AMY2B: variants seen among roughly 807,000 people sequenced by gnomAD.
AMY2B encodes the protein amylase alpha 2B, also known as alpha-amylase 2B.
Under a neutral mutation model 59.3 loss-of-function variants are expected in AMY2B, and 63 were observed. The ratio of observed to expected loss-of-function variants is 1.06; its 90% CI spans 0.87 to 1.31. AMY2B has a LOEUF of 1.31. AMY2B is among the 50% of genes most tolerant of loss of function. The pLI, the probability that AMY2B is intolerant of heterozygous loss-of-function variation, is 0.00. For synonymous variants in AMY2B, 180 were observed against 198.1 expected (o/e 0.91, Z 0.77); for missense variants, 635 against 626.7 (o/e 1.01, Z -0.14).
chr1:103,576,964 T>A (rs899288191), intron 7 of AMY2B, among the ~76,000 whole-genome samples: 2 of 152,210 alleles, frequency 1.3e-5, no homozygotes, highest in Non-Finnish European at 2.9e-5. Flanking sequence ...GGCCAGGTGC[T>A]GTGGCTCACA....
upstream of AMY2B, chr1:103,571,082 C>T: frequency 1.2e-6 from 1 of 811,900 alleles, no homozygotes; most frequent in Non-Finnish European, 1.6e-6. Context: ...GGCTCCTTAA[C>T]CAGTTGTTTC....
Position 103,557,645 on chromosome 1 carries a change from T to TA in AMY2B, c.-207+2549dup, listed in dbSNP as rs746972250. Among the ~76,000 whole-genome samples the TA allele has an allele frequency of 1.7e-3, 245 of 142,518 alleles. 1 individual carries two copies. Among genetic ancestry groups the TA allele is most frequent in the South Asian group, 2.9e-3 (13 of 4,504 alleles). The allele number at this position is 142,518 out of a possible 152,430, so 93.5% of individuals were successfully genotyped here. A position where few individuals can be genotyped will look rare whatever the true frequency, so the allele number is the denominator to read the frequency against. ...TCCAGCTTCAGTGATGGAGTTAGATTAAAAAAAAAAAAAGTATTTTACATA... is the reference window on the plus strand; with the variant it reads ...TCCAGCTTCAGTGATGGAGTTAGATTAAAAAAAAAAAAAAGTATTTTACATA... On this transcript the variant is annotated intron_variant, in intron 1 of 11. Transcript: ENST00000361355.
intron 1 of AMY2B, among the ~76,000 whole-genome samples, chr1:103,558,965 A>G (rs116810583): frequency 1.6e-3 from 246 of 152,214 alleles, no homozygotes; most frequent in African/African-American, 5.8e-3. Flanking sequence ...TTGACATGGC[A>G]TTTACGTTGC....
At chr1:103,562,278 G>A (rs1651757540) in intron 1 of AMY2B, among the ~76,000 whole-genome samples, 1 of 152,124 alleles carries the variant, frequency 6.6e-6, no homozygotes, top group Non-Finnish European at 1.5e-5. Flanking sequence ...ATGTGTCTTA[G>A]CCTTGGCTCA....
At chr1:103,573,987 A>T (rs372352820) in intron 4 of AMY2B, 49 bp downstream of exon 4, 52 of 1,612,726 alleles carry the variant, frequency 3.2e-5, no homozygotes, top group Non-Finnish European at 4.3e-5. Context: ...TTCATTAGAA[A>T]ATAATGGCAG....
chr1:103,568,271 C>A (rs1302152054), upstream of AMY2B: 2 of 152,156 alleles, frequency 1.3e-5, no homozygotes, highest in Admixed American at 1.3e-4. Context: ...GTTTTTCCTA[C>A]CTGTACTATT....
rs770310222 is a variant in AMY2B, at chr1:103,573,776, T to G, written c.582T>G (p.Ile194Met). The G allele has an allele frequency of 2.6e-5, 42 of 1,613,736 alleles. 1 individual carries two copies. The Admixed American group carries it at 7.0e-4, about 27-fold the overall frequency. The change falls in exon 4 of 10, where the codon ATT becomes ATG. Residue 194 changes from isoleucine (I) to methionine (M), a missense_variant. Coordinates refer to ENST00000684275, the MANE Select transcript of AMY2B (RefSeq NM_001387437.1). ...AGAAAGATTATGTGCGTTCCAAGATTGCCGAATATATGAATCATCTCATTG... is the reference window on the plus strand; with the variant it reads ...AGAAAGATTATGTGCGTTCCAAGATGGCCGAATATATGAATCATCTCATTG... ...ALEKDYVRSK[I>M]AEYMNHLIDI... is the part of the protein sequence containing the mutation.
chr1:103,563,922 T>C (rs191143234), intron 1 of AMY2B, among the ~76,000 whole-genome samples: 2 of 152,256 alleles, frequency 1.3e-5, no homozygotes, highest in East Asian at 3.9e-4. Flanking sequence ...ATTCCTTTAC[T>C]GGAAATGAAA....
Position 103,573,852 on chromosome 1 carries a change from G to A in AMY2B, c.658G>A (p.Gly220Arg), listed in dbSNP as rs1652236859. 3 of 1,613,664 alleles carry A rather than the reference G, an allele frequency of 1.9e-6. No homozygotes were observed. The African/African-American group carries it at 4.0e-5, about 22-fold the overall frequency. The change falls in exon 4 of 10, where the codon GGA (glycine) becomes AGA (arginine). Residue 220 changes from glycine to arginine, a missense_variant. By Grantham distance (125) the Gly-to-Arg change is moderately radical. Transcript: ENST00000684275. ...RLDASKHMWP[G>R]DIKAILDKLH... is the part of the protein sequence containing the mutation. ...TGATGCTTCCAAGCACATGTGGCCT[G>A]GAGACATAAAGGCAATTTTGGACAA...
At chr1:103,570,382 T>A, upstream of AMY2B, 1 of 848,092 alleles carries the variant, frequency 1.2e-6, no homozygotes, top group Non-Finnish European at 2.0e-6. Context: ...ACCCAGACCA[T>A]CTTCAACTCC....
At chr1:103,568,480 G>A (rs577932462), upstream of AMY2B, 1 of 152,224 alleles carries the variant, frequency 6.6e-6, no homozygotes, top group East Asian at 1.9e-4. Flanking sequence ...TCCAATTCAT[G>A]GGCTTTGAGA....
At chr1:103,558,795 T>G (rs929445601) in intron 1 of AMY2B, among the ~76,000 whole-genome samples, 8 of 150,776 alleles carry the variant, frequency 5.3e-5, no homozygotes, top group African/African-American at 1.9e-4. Context: ...CATTAATACA[T>G]TTTTCCTCTG....
chr1:103,570,507 G>T, upstream of AMY2B: 1 of 633,928 alleles, frequency 1.6e-6, no homozygotes. Flanking sequence ...CACCACCCGG[G>T]CACCTAGCAC....
chr1:103,569,589 G>C (rs1000260855), upstream of AMY2B: 1 of 381,974 alleles, frequency 2.6e-6, no homozygotes, highest in Non-Finnish European at 5.3e-6. Context: ...GATTGACAAT[G>C]GCTCCAGCAT....
At chr1:103,555,344 C>A (rs1053482580) in intron 1 of AMY2B, 1 of 151,536 alleles carries the variant, frequency 6.6e-6, no homozygotes, top group African/African-American at 2.4e-5. Context: ...ATTACAAATA[C>A]TGCCTTTTAA....
At chr1:103,575,390 A>T (rs1471317714) in intron 6 of AMY2B, 45 bp downstream of exon 6, 5 of 1,612,330 alleles carry the variant, frequency 3.1e-6, no homozygotes. Flanking sequence ...TCTTTTAATG[A>T]TGGTAATGAT....
At chr1:103,558,007 T>C (rs562459870) in intron 1 of AMY2B, among the ~76,000 whole-genome samples, 2 of 152,338 alleles carry the variant, frequency 1.3e-5, no homozygotes, top group South Asian at 4.1e-4. Flanking sequence ...TTCACTCCAA[T>C]GAAAATTCTT....
upstream of AMY2B, chr1:103,569,316 G>A (rs543687385): frequency 7.2e-6 from 1 of 138,690 alleles, no homozygotes; most frequent in Admixed American, 7.2e-5. Context: ...GTGTAGATAT[G>A]TGTGTGTTTG....
intron 1 of AMY2B, among the ~76,000 whole-genome samples, chr1:103,559,244 C>T (rs1443414676): frequency 6.6e-6 from 1 of 152,138 alleles, no homozygotes; most frequent in Non-Finnish European, 1.5e-5. Context: ...TCGGAAGTTT[C>T]CTATGTTTAA....
Sources: gnomAD v4.1 joint callset for allele counts (sites outside exome capture counted in the v4.1 genomes callset) on GRCh38, gnomAD v4.1.1 for gene constraint, MANE v1.5 for transcripts, NCBI Gene and HGNC (gene_info 2026-07-23, HGNC 2026-07-21) for gene names.